DTNBP1: variants seen among roughly 807,000 people sequenced by gnomAD.
DTNBP1 encodes the protein dysbindin.
In DTNBP1, 35 loss-of-function variants were observed where a neutral mutation model predicts 42.8. The observed-to-expected ratio is 0.82, with a 90% CI of 0.63 to 1.09. DTNBP1 has a LOEUF of 1.09. Among genes scored for constraint, DTNBP1 ranks in the 50% least tolerant of loss-of-function variants. DTNBP1 has a pLI of 0.00. For missense variants in DTNBP1, 457 were observed against 424.2 expected (o/e 1.08, Z -0.68); for synonymous variants, 171 against 162.2 (o/e 1.05, Z -0.41).
chr6:15,612,321 C>T (rs1458357750), intron 6 of DTNBP1, among the ~76,000 whole-genome samples: 3 of 152,006 alleles, frequency 2.0e-5, no homozygotes, highest in African/African-American at 7.3e-5. Context: ...AGACTACATA[C>T]TGTATAAACA....
At chr6:15,624,065 G>A (rs1003385827) in intron 5 of DTNBP1, among the ~76,000 whole-genome samples, 18 of 152,216 alleles carry the variant, frequency 1.2e-4, no homozygotes, top group African/African-American at 3.9e-4. Flanking sequence ...TCACTGCTGT[G>A]TGTCCAGAGT....
At chr6:15,629,215 AT>A (rs1759542835) in intron 4 of DTNBP1, among the ~76,000 whole-genome samples, 1 of 152,094 alleles carries the variant, frequency 6.6e-6, no homozygotes, top group Non-Finnish European at 1.5e-5. Flanking sequence ...GCTAAGCCCT[AT>A]TTTGGATACT....
chr6:15,649,938 T>C lies in DTNBP1; in HGVS notation c.161+1375A>G, dbSNP rs553341324. On this transcript the variant is annotated intron_variant, in intron 3 of 9. Transcript: ENST00000344537. ...AGAAAAAATAAAGATAAAATGTAAA[T>C]AGTAAACAATACATTACTGATTAAT... Among the ~76,000 whole-genome samples, 33 of 152,306 alleles carry C rather than the reference T, an allele frequency of 2.2e-4. 1 individual carries two copies. The highest frequency in any genetic ancestry group is 7.2e-4 in the African/African-American group (30 of 41,570).
At chr6:15,524,423 G>A (rs146992186) in intron 9 of DTNBP1, 103 bp downstream of exon 9, 65 of 1,614,076 alleles carry the variant, frequency 4.0e-5, no homozygotes, top group Admixed American at 3.8e-4. Flanking sequence ...GAGCTTGGGG[G>A]TTTATGCGTA....
Position 15,522,836 on chromosome 6 carries a change from G to GTTCT in DTNBP1, c.*135_*138dup, listed in dbSNP as rs772742958. 3.4e-6 allele frequency: 5 copies of GTTCT among 1,455,324 alleles called. No individual in the cohort carries two copies. In the East Asian group the frequency reaches 9.1e-5, roughly 26 times the overall value. 90.2% of individuals were successfully genotyped at this position (1,455,324 alleles called of 1,614,324 possible). On this transcript the variant is annotated 3_prime_UTR_variant, in exon 10 of 10. Transcript: ENST00000344537. ...CCGTCCTCACACTTTATTGTTAGCT[G>GTTCT]TTCTTTAAGTTTCTCACACATTATT...
At chr6:15,523,992 C>T in intron 9 of DTNBP1, 2 of 1,288,070 alleles carry the variant, frequency 1.6e-6, no homozygotes, top group Non-Finnish European at 2.0e-6. Context: ...AGGTACAGGT[C>T]TGGCACCTCA....
At chr6:15,557,499 C>G (rs551123712) in intron 7 of DTNBP1, among the ~76,000 whole-genome samples, 96 of 152,032 alleles carry the variant, frequency 6.3e-4, no homozygotes, top group Non-Finnish European at 1.1e-3. Flanking sequence ...AAAATTTTAA[C>G]AGTTTATAAA....
At chr6:15,526,916 A>G (rs1772445269) in intron 8 of DTNBP1, among the ~76,000 whole-genome samples, 1 of 152,230 alleles carries the variant, frequency 6.6e-6, no homozygotes, top group Non-Finnish European at 1.5e-5. Flanking sequence ...TGATCACAGG[A>G]AATGTCAATG....
At chr6:15,590,201 T>C (rs1165150122) in intron 7 of DTNBP1, among the ~76,000 whole-genome samples, 4 of 152,234 alleles carry the variant, frequency 2.6e-5, no homozygotes, top group African/African-American at 7.2e-5. Context: ...TCCAAAGTGC[T>C]AGGATTACAG....
At chr6:15,585,800 T>C (rs1464561856) in intron 7 of DTNBP1, 2 of 1,519,076 alleles carry the variant, frequency 1.3e-6, no homozygotes, top group East Asian at 2.5e-5. Context: ...AGCTCAGTGC[T>C]GGTCAAGTGA....
At chr6:15,630,616 A>G (rs771408001) in intron 4 of DTNBP1, among the ~76,000 whole-genome samples, 3 of 152,154 alleles carry the variant, frequency 2.0e-5, no homozygotes, top group Non-Finnish European at 4.4e-5. Context: ...CGAAACCCTT[A>G]TTTAGAAAAA....
rs1246011431 is a variant in DTNBP1 at position 15,593,055 on chromosome 6, T to G, written c.511+4A>C. The G allele has an allele frequency of 6.3e-7, 1 of 1,587,326 alleles. No homozygotes were observed. Among genetic ancestry groups the G allele is most frequent in the African/African-American group, 1.4e-5 (1 of 73,676 alleles). ...TTTAAAGTGAAGAATTAACACAAAA[T>G]TACCTTTGAAGGTTTCAAGTTCCTT... On this transcript the variant is annotated splice_donor_region_variant and intron_variant, in intron 7 of 9. Transcript: ENST00000344537.
At chr6:15,556,678 G>A (rs1257268093) in intron 7 of DTNBP1, among the ~76,000 whole-genome samples, 2 of 152,148 alleles carry the variant, frequency 1.3e-5, no homozygotes, top group Non-Finnish European at 1.5e-5. Flanking sequence ...CAGTGTCACC[G>A]CACTGGGTGG....
At position 15,580,723 on chromosome 6, in the gene DTNBP1, A is replaced by G. The variant is rs372886555; in HGVS notation, c.511+12336T>C. On this transcript the variant is annotated intron_variant, in intron 7 of 9. Transcript: ENST00000344537. ...AAGCTTTTTAAATTTTCCTGTCTTCAATGGGGATGCATTGCTTTTACAGTT... is the reference window on the plus strand; with the variant it reads ...AAGCTTTTTAAATTTTCCTGTCTTCGATGGGGATGCATTGCTTTTACAGTT... Among the ~76,000 whole-genome samples the G allele has an allele frequency of 3.3e-5, 5 of 152,264 alleles. No homozygotes were observed. The South Asian group carries it at 6.2e-4, about 19-fold the overall frequency.
intron 8 of DTNBP1, among the ~76,000 whole-genome samples, chr6:15,529,279 T>C (rs546979443): frequency 6.6e-6 from 1 of 152,194 alleles, no homozygotes; most frequent in Non-Finnish European, 1.5e-5. Context: ...TGAGACTCCA[T>C]CCTAAAACAA....
Position 15,522,870 on chromosome 6 carries a change from T to TTAC in DTNBP1, c.*104_*105insGTA. On this transcript the variant is annotated 3_prime_UTR_variant, in exon 10 of 10. Coordinates refer to ENST00000344537, the MANE Select transcript of DTNBP1 (RefSeq NM_032122.5). ...GTTTCTCACACATTATTGGCAATTA[T>TTAC]GTAAAAATCAAGAACCTCTATAAAA... is the stretch of plus-strand genomic sequence containing the variant. 1.3e-6 allele frequency: 2 copies of TTAC among 1,585,292 alleles called. No individual in the cohort carries two copies. The highest frequency in any genetic ancestry group is 1.1e-5 in the South Asian group (1 of 89,640).
chr6:15,615,172 CT>C, intron 6 of DTNBP1, 94 bp downstream of exon 6: 1 of 1,578,654 alleles, frequency 6.3e-7, no homozygotes, highest in Non-Finnish European at 8.7e-7. Flanking sequence ...AAACCTTTGT[CT>C]TTTATCAGCC....
chr6:15,535,949 G>T (rs539512984), intron 7 of DTNBP1, among the ~76,000 whole-genome samples: 1 of 152,320 alleles, frequency 6.6e-6, no homozygotes, highest in African/African-American at 2.4e-5. Flanking sequence ...CAGACTGGTG[G>T]CATTTTGCCA....
At chr6:15,636,392 C>A (rs1760024122) in intron 4 of DTNBP1, among the ~76,000 whole-genome samples, 1 of 152,096 alleles carries the variant, frequency 6.6e-6, no homozygotes, top group Non-Finnish European at 1.5e-5. Context: ...CTCAGGTAAT[C>A]CACCCACCTT....
Sources: allele counts gnomAD v4.1 joint callset (sites outside exome capture counted in the v4.1 genomes callset), GRCh38; gene constraint gnomAD v4.1.1; transcripts MANE v1.5; gene names NCBI Gene and HGNC (gene_info 2026-07-23, HGNC 2026-07-21).